The following ROBO2 variants were observed in gnomAD, a reference collection of about 807,000 sequenced individuals.
The protein encoded by ROBO2 is roundabout guidance receptor 2.
ROBO2 carries 53 observed loss-of-function variants against 160.8 expected under a neutral mutation model. That is an observed-to-expected ratio of 0.33 (90% CI 0.26 to 0.41). The LOEUF (loss-of-function observed/expected upper bound fraction) is 0.41. ROBO2 is among the 10% of genes least tolerant of loss of function. The pLI is 1.00. For missense variants in ROBO2, 1,577 were observed against 1,722.4 expected (o/e 0.92, Z 1.49); for synonymous variants, 664 against 611.7 (o/e 1.09, Z -1.26).
chr3:76,139,006 A>G (rs970223178), intron 2 of ROBO2, among the ~76,000 whole-genome samples: 7 of 152,178 alleles, frequency 4.6e-5, no homozygotes, highest in African/African-American at 1.4e-4. Context: ...GCAAGAAATG[A>G]GGCTTGCCTC....
chr3:76,815,756 C>T (rs192023825), intron 2 of ROBO2, among the ~76,000 whole-genome samples: 1 of 152,080 alleles, frequency 6.6e-6, no homozygotes, highest in East Asian at 1.9e-4. Flanking sequence ...CCTCTTCCTG[C>T]CCCCAAACCC....
intron 2 of ROBO2, among the ~76,000 whole-genome samples, chr3:77,148,428 T>A (rs2150502057): frequency 6.6e-6 from 1 of 152,350 alleles, no homozygotes; most frequent in East Asian, 1.9e-4. Flanking sequence ...GAAACTTTTT[T>A]TCTTTCTCTC....
chr3:77,025,433 T>G (rs896337275), intron 2 of ROBO2, among the ~76,000 whole-genome samples: 1 of 152,196 alleles, frequency 6.6e-6, no homozygotes, highest in Non-Finnish European at 1.5e-5. Flanking sequence ...AATCCAAATA[T>G]AAATTTATTG....
chr3:76,036,415 G>A (rs2067110332), intron 2 of ROBO2, among the ~76,000 whole-genome samples: 1 of 151,910 alleles, frequency 6.6e-6, no homozygotes, highest in Admixed American at 6.5e-5. Flanking sequence ...CTCCCAAAGT[G>A]CTGGGATTAC....
At chr3:75,925,842 ATAGT>A (rs1947272613) in intron 1 of ROBO2, among the ~76,000 whole-genome samples, 1 of 152,210 alleles carries the variant, frequency 6.6e-6, no homozygotes, top group Non-Finnish European at 1.5e-5. Context: ...AAAATTGGAG[ATAGT>A]TGATAGTTTT....
intron 2 of ROBO2, among the ~76,000 whole-genome samples, chr3:76,840,627 A>ATATAT (rs2068146516): frequency 8.4e-6 from 1 of 118,706 alleles, no homozygotes; most frequent in South Asian, 2.6e-4. Flanking sequence ...AAAATTATAT[A>ATATAT]TATATATTAA....
At chr3:77,123,882 T>C (rs1205765857) in intron 2 of ROBO2, among the ~76,000 whole-genome samples, 1 of 149,266 alleles carries the variant, frequency 6.7e-6, no homozygotes, top group Non-Finnish European at 1.5e-5. Context: ...TATAGATACA[T>C]ATATAGATAC....
chr3:77,414,834 GAC>G (rs1443585366), intron 2 of ROBO2, among the ~76,000 whole-genome samples: 1 of 152,222 alleles, frequency 6.6e-6, no homozygotes, highest in East Asian at 1.9e-4. Context: ...CAGATTTCCA[GAC>G]AGTGTTGTTG....
exon 1 of ROBO2, chr3:77,040,123 G>T (rs1578444298): frequency 1.0e-6 from 1 of 973,632 alleles, no homozygotes; most frequent in Non-Finnish European, 1.2e-6. Context: ...TTCTCCACCC[G>T]AATCGTCCTG....
chr3:76,281,466 A>G (rs547494960), intron 2 of ROBO2, among the ~76,000 whole-genome samples: 1 of 152,022 alleles, frequency 6.6e-6, no homozygotes, highest in East Asian at 1.9e-4. Flanking sequence ...AAACATCAAT[A>G]TTCGGTTTTT....
At chr3:76,119,656 G>T (rs1003106929) in intron 2 of ROBO2, among the ~76,000 whole-genome samples, 1 of 151,788 alleles carries the variant, frequency 6.6e-6, no homozygotes, top group African/African-American at 2.4e-5. Flanking sequence ...AAATAAAAAA[G>T]AAGTTGTACT....
intron 2 of ROBO2, among the ~76,000 whole-genome samples, chr3:76,326,565 A>G (rs1201080576): frequency 6.6e-6 from 1 of 152,202 alleles, no homozygotes; most frequent in Non-Finnish European, 1.5e-5. Context: ...TAATGCATAT[A>G]CCGAATGAAA....
chr3:76,921,880 C>T (rs2076684834), intron 2 of ROBO2, among the ~76,000 whole-genome samples: 1 of 152,144 alleles, frequency 6.6e-6, no homozygotes, highest in Admixed American at 6.6e-5. Flanking sequence ...AATTATCCAG[C>T]ATTTTTGTCT....
intron 1 of ROBO2, among the ~76,000 whole-genome samples, chr3:77,044,538 T>A (rs1275789685): frequency 5.3e-5 from 8 of 152,208 alleles, no homozygotes; most frequent in Non-Finnish European, 1.0e-4. Context: ...TTTCTTATTC[T>A]CCTCCTCTTT....
intron 2 of ROBO2, among the ~76,000 whole-genome samples, chr3:77,289,080 C>A (rs2060839566): frequency 6.6e-6 from 1 of 152,098 alleles, no homozygotes; most frequent in African/African-American, 2.4e-5. Context: ...TTAACAAAAT[C>A]ATATACAGGC....
At position 75,916,165 on chromosome 3, in the gene ROBO2, T is replaced by C. The variant is rs1397042172; in HGVS notation, c.-14+9205T>C. On this transcript the variant is annotated intron_variant, in intron 1 of 26. Coordinates refer to the ROBO2 transcript ENST00000487694. ...GTATCAAGATATTTGGTAATGGTGATTGATGCACAGAATACAGCACATTAT... is the reference window on the plus strand; with the variant it reads ...GTATCAAGATATTTGGTAATGGTGACTGATGCACAGAATACAGCACATTAT... Among the ~76,000 whole-genome samples, 3 of 152,294 alleles carry C rather than the reference T, an allele frequency of 2.0e-5. No homozygotes were observed. In the East Asian group the frequency reaches 5.8e-4, roughly 29 times the overall value.
At chr3:77,257,114 A>G in intron 2 of ROBO2, among the ~76,000 whole-genome samples, 1 of 152,242 alleles carries the variant, frequency 6.6e-6, no homozygotes, top group East Asian at 1.9e-4. Flanking sequence ...ATTAAGAGCT[A>G]TCAAAACACT....
intron 2 of ROBO2, among the ~76,000 whole-genome samples, chr3:76,979,639 T>G (rs2059994686): frequency 1.3e-5 from 2 of 151,722 alleles, no homozygotes; most frequent in African/African-American, 4.8e-5. Flanking sequence ...TGATATGATT[T>G]TTTTTTCCTT....
intron 2 of ROBO2, among the ~76,000 whole-genome samples, chr3:76,555,389 A>AGAC (rs1560140989): frequency 1.3e-4 from 9 of 71,330 alleles, no homozygotes; most frequent in Non-Finnish European, 2.9e-4. Flanking sequence ...AAGAAGAAGA[A>AGAC]GAAGAAGAAG....
Sources: gnomAD v4.1 joint callset for allele counts (sites outside exome capture counted in the v4.1 genomes callset) on GRCh38, gnomAD v4.1.1 for gene constraint, MANE v1.5 for transcripts, NCBI Gene and HGNC (gene_info 2026-07-23, HGNC 2026-07-21) for gene names.